The following AKAP9 variants were observed in gnomAD, a reference collection of about 807,000 sequenced individuals.
The protein encoded by AKAP9 is A-kinase anchor protein 9.
Under a neutral mutation model 488.5 loss-of-function variants are expected in AKAP9, and 311 were observed. The ratio of observed to expected loss-of-function variants is 0.64; its 90% CI spans 0.58 to 0.70. The LOEUF (loss-of-function observed/expected upper bound fraction) is 0.70, where lower values mean the gene tolerates loss of function less well. AKAP9 is among the 30% of genes least tolerant of loss of function. The pLI is 0.00. For synonymous variants in AKAP9, 1,462 were observed against 1,483.5 expected (o/e 0.99, Z 0.33); for missense variants, 4,215 against 4,374.5 (o/e 0.96, Z 1.03).
chr7:92,043,358 A>G, intron 20 of AKAP9: 2 of 982,436 alleles, frequency 2.0e-6, no homozygotes, highest in Non-Finnish European at 2.4e-6. Flanking sequence ...TCAGTATGGA[A>G]CTCAAACAAG....
chr7:92,010,830 AT>A (rs35778239), intron 8 of AKAP9, among the ~76,000 whole-genome samples: 1 of 151,702 alleles, frequency 6.6e-6, no homozygotes, highest in African/African-American at 2.4e-5. Flanking sequence ...ATTTATTATT[AT>A]TTTTTTAGAG....
At chr7:92,081,363 G>A (rs1813520501) in intron 31 of AKAP9, among the ~76,000 whole-genome samples, 1 of 150,564 alleles carries the variant, frequency 6.6e-6, no homozygotes. Flanking sequence ...GAGTTCAGTG[G>A]TGTGATCTCA....
chr7:91,995,939 C>A, intron 7 of AKAP9, 139 bp downstream of exon 7: 1 of 670,900 alleles, frequency 1.5e-6, no homozygotes, highest in South Asian at 1.9e-5. Flanking sequence ...ATTTCAAAAG[C>A]AAATGGGAAT....
chr7:91,970,919 T>C (rs1414327876), intron 1 of AKAP9, among the ~76,000 whole-genome samples: 1 of 152,190 alleles, frequency 6.6e-6, no homozygotes, highest in African/African-American at 2.4e-5. Flanking sequence ...TTTTATTATT[T>C]CTTGAATAAG....
chr7:92,012,308 A>G (rs1800856241), intron 8 of AKAP9, 121 bp from the exon 9 acceptor site: 6 of 881,514 alleles, frequency 6.8e-6, no homozygotes, highest in Non-Finnish European at 1.0e-5. Context: ...TAGAAAAAAA[A>G]TTAGACTTCA....
At chr7:92,034,498 A>ATATATTT (rs1172887684) in intron 16 of AKAP9, among the ~76,000 whole-genome samples, 1 of 95,428 alleles carries the variant, frequency 1.0e-5, no homozygotes, top group African/African-American at 4.1e-5. Flanking sequence ...ATATATATAT[A>ATATATTT]TTTTTTTTTT....
chr7:92,105,727 A>C lies in AKAP9; in HGVS notation c.11380A>C (p.Ile3794Leu). ...GCATCGAGTCACAGGTTCTGTTTCC[A>C]TCAATATTAACAGAGATGGCTTTGG... ...RWHRVTGSVS[I>L]NINRDGFGLN... Residue 3794 changes from isoleucine to leucine, a missense_variant, in exon 47 of 50, where the codon ATC (isoleucine) becomes CTC (leucine). By Grantham distance (5) the Ile-to-Leu change is conservative (BLOSUM62 2). Coordinates refer to ENST00000356239, the MANE Select transcript of AKAP9 (RefSeq NM_005751.5). 2.5e-6 allele frequency: 4 copies of C among 1,614,198 alleles called. No homozygotes were observed. The highest frequency in any genetic ancestry group is 3.4e-6 in the Non-Finnish European group (4 of 1,180,024).
At chr7:92,012,390 T>G (rs1024029793) in intron 8 of AKAP9, 39 bp from the exon 9 acceptor site, 11 of 1,538,038 alleles carry the variant, frequency 7.2e-6, no homozygotes, top group Non-Finnish European at 9.8e-6. Context: ...TGATTTGTCA[T>G]TTAAGAATAT....
intron 1 of AKAP9, among the ~76,000 whole-genome samples, chr7:91,955,368 C>T (rs887906228): frequency 6.6e-6 from 1 of 152,190 alleles, no homozygotes; most frequent in Non-Finnish European, 1.5e-5. Flanking sequence ...GCTGAAGAAG[C>T]ATACACATAC....
At chr7:92,091,591 AAAAAAAC>A (rs1428733760) in intron 38 of AKAP9, among the ~76,000 whole-genome samples, 4 of 150,214 alleles carry the variant, frequency 2.7e-5, no homozygotes, top group African/African-American at 9.7e-5. Flanking sequence ...GTCTCAAAAA[AAAAAAAC>A]AAAAAAAAAA....
intron 31 of AKAP9, 121 bp downstream of exon 31, chr7:92,080,273 A>T: frequency 1.2e-6 from 1 of 843,218 alleles, no homozygotes; most frequent in Admixed American, 3.0e-5. Context: ...TTTTATAAAA[A>T]TATACCACTT....
At chr7:91,967,468 G>T (rs1794556707) in intron 1 of AKAP9, among the ~76,000 whole-genome samples, 1 of 152,022 alleles carries the variant, frequency 6.6e-6, no homozygotes, top group Admixed American at 6.6e-5. Context: ...ATTACTTTGA[G>T]GTATGCATCT....
Position 92,066,426 on chromosome 7 carries a change from G to A in AKAP9, c.6211-1G>A. On this transcript the variant is annotated splice_acceptor_variant, in intron 25 of 49. Transcript: ENST00000356239. LOFTEE classifies it high-confidence loss of function. ...CTATCATTATTGTCATTAAACTTTA[G>A]GAGCAAGCCATTGACAGAGAACATG... The A allele has an allele frequency of 6.2e-7, 1 of 1,612,900 alleles. No homozygotes were observed. Among genetic ancestry groups the A allele is most frequent in the Non-Finnish European group, 8.5e-7 (1 of 1,179,218 alleles).
chr7:92,065,394 A>G lies in AKAP9; in HGVS notation c.6141A>G (p.Glu2047=), dbSNP rs141830654. ...FIELEQEKNT[E]LMDLRQQNQA... ...AGCTGGAACAAGAAAAAAATACTGA[A>G]CTAATGGATTTAAGACAGCAAAACC... The change falls in exon 25 of 50, where the codon GAA becomes GAG. Residue 2047 remains glutamate (E), a synonymous_variant. Coordinates refer to ENST00000356239, the MANE Select transcript of AKAP9 (RefSeq NM_005751.5). The G allele has an allele frequency of 5.3e-5, 85 of 1,613,082 alleles. No individual in the cohort carries two copies. Among genetic ancestry groups the G allele is most frequent in the African/African-American group, 4.0e-5 (3 of 74,880 alleles).
At chr7:92,077,084 TA>T in intron 29 of AKAP9, 77 bp downstream of exon 29, 3 of 471,574 alleles carry the variant, frequency 6.4e-6, no homozygotes, top group East Asian at 4.8e-5. Flanking sequence ...TTATTATTAT[TA>T]TTATTTCTTT....
At chr7:92,000,753 G>A (rs1053494321) in intron 7 of AKAP9, 95 bp from the exon 8 acceptor site, 10 of 686,488 alleles carry the variant, frequency 1.5e-5, no homozygotes, top group Non-Finnish European at 1.9e-5. Flanking sequence ...TTTTAAAAGA[G>A]AAACTTCTGT....
Position 92,097,639 on chromosome 7 carries a change from G to A in AKAP9, c.10452G>A (p.Gln3484=). The change falls in exon 42 of 50, where the codon CAG becomes CAA. Residue 3484 remains glutamine, a synonymous_variant. Coordinates refer to ENST00000356239, the MANE Select transcript of AKAP9 (RefSeq NM_005751.5). ...SDRTRNWVLQ[Q]KIEGETKESN... ...GAACTAGAAATTGGGTTCTTCAACA[G>A]AAAATAGAAGGAGAAACAAAAGAAT... The A allele has an allele frequency of 6.2e-7, 1 of 1,613,996 alleles. No individual in the cohort carries two copies. Among genetic ancestry groups the A allele is most frequent in the Non-Finnish European group, 8.5e-7 (1 of 1,180,014 alleles).
At chr7:92,057,825 T>C in intron 22 of AKAP9, 1 of 224,664 alleles carries the variant, frequency 4.5e-6, no homozygotes, top group African/African-American at 2.2e-5. Context: ...TTTATTCTTC[T>C]CTTCAAGGAC....
At chr7:92,007,444 G>A (rs1338987597) in intron 8 of AKAP9, among the ~76,000 whole-genome samples, 2 of 151,956 alleles carry the variant, frequency 1.3e-5, no homozygotes, top group African/African-American at 4.8e-5. Flanking sequence ...TAGAGATGGG[G>A]TTTCACCATG....
Sources: gnomAD v4.1 joint callset for allele counts (sites outside exome capture counted in the v4.1 genomes callset) on GRCh38, gnomAD v4.1.1 for gene constraint, MANE v1.5 for transcripts, NCBI Gene and HGNC (gene_info 2026-07-23, HGNC 2026-07-21) for gene names.